TLK1: variants seen among roughly 807,000 people sequenced by gnomAD.
The protein encoded by TLK1 is tousled like kinase 1, also known as serine/threonine-protein kinase tousled-like 1.
A neutral mutation model predicts 105.3 loss-of-function variants in TLK1; 24 were observed. The ratio of observed to expected loss-of-function variants is 0.23; its 90% CI spans 0.17 to 0.32. The LOEUF (loss-of-function observed/expected upper bound fraction) is 0.32, where lower values mean the gene tolerates loss of function less well. TLK1 is among the 10% of genes least tolerant of loss of function. The probability of loss-of-function intolerance (pLI) is 1.00; values close to 1 mark genes in which losing one functional copy is unlikely to be tolerated. For missense variants in TLK1, 558 were observed against 910.5 expected, an observed-to-expected ratio of 0.61 and a Z score of 4.98; for synonymous variants, 321 against 310.4, an observed-to-expected ratio of 1.03 and a Z score of -0.36.
At chr2:171,147,178 A>G (rs1691825828) in intron 1 of TLK1, among the ~76,000 whole-genome samples, 1 of 152,224 alleles carries the variant, frequency 6.6e-6, no homozygotes, top group Non-Finnish European at 1.5e-5. Flanking sequence ...TAACTTCATC[A>G]TATTTATCTT....
chr2:171,023,763 T>C (rs1685644453), intron 12 of TLK1, among the ~76,000 whole-genome samples: 1 of 152,178 alleles, frequency 6.6e-6, no homozygotes, highest in South Asian at 2.1e-4. Context: ...GCAGGGATTG[T>C]ATTTTTAGTT....
intron 2 of TLK1, among the ~76,000 whole-genome samples, chr2:171,085,725 C>G (rs546418536): frequency 6.6e-6 from 1 of 152,272 alleles, no homozygotes; most frequent in African/African-American, 2.4e-5. Context: ...CCTAAAGAAT[C>G]TACTACAGAA....
At chr2:171,134,758 T>C (rs1162208378) in intron 1 of TLK1, among the ~76,000 whole-genome samples, 3 of 133,866 alleles carry the variant, frequency 2.2e-5, no homozygotes, top group Non-Finnish European at 4.7e-5. Flanking sequence ...TGAGACAGGG[T>C]CTTGCTCTGT....
rs536326902 is a variant in TLK1, at chr2:171,107,085, T to C, written c.258+10654A>G. Among the ~76,000 whole-genome samples the C allele has an allele frequency of 3.3e-5, 5 of 152,328 alleles. 1 individual carries two copies. Among genetic ancestry groups the C allele is most frequent in the African/African-American group, 1.2e-4 (5 of 41,582 alleles). On this transcript the variant is annotated intron_variant, in intron 2 of 20. Coordinates refer to ENST00000431350, the MANE Select transcript of TLK1 (RefSeq NM_012290.5). The stretch of plus-strand genomic sequence containing the variant: ...CTTTGTTCTTCAAGACACTGAATAC[T>C]TTGATGAGTCCAGGCCAGTTGTCTA...
Position 171,006,778 on chromosome 2 carries a change from T to G in TLK1, c.1598+22A>C, listed in dbSNP as rs753018171. On this transcript the variant is annotated intron_variant, in intron 16 of 20. Coordinates refer to ENST00000431350, the MANE Select transcript of TLK1 (RefSeq NM_012290.5). ...AAGCAAGCATATCTTTCCTTAAAAA[T>G]TGAACCTTAATATTCACTTACGTAT... 3.1e-6 allele frequency: 5 copies of G among 1,605,988 alleles called. No individual in the cohort carries two copies. In the East Asian group the frequency reaches 1.1e-4, roughly 36 times the overall value.
At chr2:171,084,971 A>G (rs1366465897) in intron 2 of TLK1, among the ~76,000 whole-genome samples, 1 of 152,142 alleles carries the variant, frequency 6.6e-6, no homozygotes, top group Non-Finnish European at 1.5e-5. Context: ...AAAAGAAATG[A>G]AGAGATGAAA....
At chr2:171,202,664 G>A (rs1693426612) in intron 1 of TLK1, among the ~76,000 whole-genome samples, 1 of 152,152 alleles carries the variant, frequency 6.6e-6, no homozygotes, top group Non-Finnish European at 1.5e-5. Flanking sequence ...GGCTGAGGCA[G>A]GATAATGGCT....
At chr2:171,047,357 T>C in intron 10 of TLK1, among the ~76,000 whole-genome samples, 1 of 152,170 alleles carries the variant, frequency 6.6e-6, no homozygotes, top group Non-Finnish European at 1.5e-5. Flanking sequence ...TTTCAAATCC[T>C]ACATGGTTAC....
chr2:171,115,797 C>T (rs1385123995), intron 2 of TLK1, among the ~76,000 whole-genome samples: 1 of 151,992 alleles, frequency 6.6e-6, no homozygotes, highest in African/African-American at 2.4e-5. Flanking sequence ...AAAAAGAAAA[C>T]ACAGTAAGGA....
In TLK1 at chr2:170,993,719, T is replaced by C. The variant is rs1683907097; in HGVS notation, c.*61A>G. 3 of 1,007,116 alleles carry C rather than the reference T, an allele frequency of 3.0e-6. No individual in the cohort carries two copies. In the African/African-American group the frequency reaches 5.0e-5, roughly 17 times the overall value. The allele number at this position is 1,007,116 out of a possible 1,614,324, so 62.4% of individuals were successfully genotyped here. A position where few individuals can be genotyped will look rare whatever the true frequency, so the allele number is the denominator to read the frequency against. On this transcript the variant is annotated 3_prime_UTR_variant, in exon 21 of 21. Coordinates refer to ENST00000431350, the MANE Select transcript of TLK1 (RefSeq NM_012290.5). ...AAAGAAAACAAACACTCAAATGCTC[T>C]CAAACTTAAGTGTGCATCTGGAAGC...
intron 1 of TLK1, among the ~76,000 whole-genome samples, chr2:171,204,319 C>T (rs142519551): frequency 2.0e-5 from 3 of 152,232 alleles, no homozygotes; most frequent in South Asian, 2.1e-4. Flanking sequence ...TAAAATGGAA[C>T]GATCTAAGTT....
At chr2:171,222,391 A>T (rs919567699) in intron 1 of TLK1, among the ~76,000 whole-genome samples, 1 of 152,016 alleles carries the variant, frequency 6.6e-6, no homozygotes, top group African/African-American at 2.4e-5. Context: ...CTGGAGTGGG[A>T]CGATCACAGC....
At chr2:171,189,563 T>G (rs1428730385) in intron 1 of TLK1, among the ~76,000 whole-genome samples, 1 of 152,224 alleles carries the variant, frequency 6.6e-6, no homozygotes, top group Non-Finnish European at 1.5e-5. Flanking sequence ...TTTAAAATGT[T>G]CAAAGTCCCA....
intron 3 of TLK1, among the ~76,000 whole-genome samples, chr2:171,073,338 T>A (rs1184631538): frequency 6.6e-6 from 1 of 152,140 alleles, no homozygotes; most frequent in African/African-American, 2.4e-5. Context: ...ACATCGAATA[T>A]ACTTTTTTAA....
rs1683763825 is a variant in TLK1, at chr2:170,991,104, TCAA to T, written c.*2673_*2675del. The T allele has an allele frequency of 2.6e-5, 4 of 152,142 alleles. No homozygotes were observed. The highest frequency in any genetic ancestry group is 9.7e-5 in the African/African-American group (4 of 41,430). 9.4% of individuals were successfully genotyped at this position (152,142 alleles called of 1,614,324 possible). ...GGGTGGTTTCTACACTTACTTCCTC[TCAA>T]CATGCACACACTAAAGCAAATTCAA... On this transcript the variant is annotated 3_prime_UTR_variant, in exon 21 of 21. Transcript: ENST00000431350.
intron 10 of TLK1, 123 bp downstream of exon 10, chr2:171,049,691 T>C (rs1385081892): frequency 1.7e-6 from 2 of 1,195,646 alleles, no homozygotes; most frequent in Non-Finnish European, 2.3e-6. Context: ...CTTTCAAAGG[T>C]ACTAAATTCT....
intron 1 of TLK1, among the ~76,000 whole-genome samples, chr2:171,152,885 A>G (rs1692097741): frequency 6.6e-6 from 1 of 152,080 alleles, no homozygotes; most frequent in Non-Finnish European, 1.5e-5. Context: ...TATCTCTAAC[A>G]TTTTCCATGA....
chr2:171,216,259 G>A (rs1475462872), intron 1 of TLK1, among the ~76,000 whole-genome samples: 1 of 152,090 alleles, frequency 6.6e-6, no homozygotes, highest in Non-Finnish European at 1.5e-5. Context: ...GGCAGATCAC[G>A]AGGTCAGGAG....
At chr2:171,019,734 T>C (rs757777532) in intron 12 of TLK1, among the ~76,000 whole-genome samples, 2 of 152,154 alleles carry the variant, frequency 1.3e-5, no homozygotes, top group African/African-American at 2.4e-5. Context: ...GTAACAACAC[T>C]ACTTGATTAA....
Sources: allele counts gnomAD v4.1 joint callset (sites outside exome capture counted in the v4.1 genomes callset), GRCh38; gene constraint gnomAD v4.1.1; transcripts MANE v1.5; gene names NCBI Gene and HGNC (gene_info 2026-07-23, HGNC 2026-07-21).